ELK3: variants seen among roughly 807,000 people sequenced by gnomAD.
ELK3 encodes ETS domain-containing protein Elk-3.
Under a neutral mutation model 28.9 loss-of-function variants are expected in ELK3, and 10 were observed. That is an observed-to-expected ratio of 0.35 (90% CI 0.21 to 0.59). The LOEUF is 0.59. Ranked by LOEUF, ELK3 falls within the 20% of genes least tolerant of loss-of-function variation. The pLI is 0.82. For missense variants in ELK3, 463 were observed against 517.3 expected (o/e 0.90, Z 1.02); for synonymous variants, 272 against 243.5 (o/e 1.12, Z -1.09).
intron 2 of ELK3, among the ~76,000 whole-genome samples, chr12:96,229,570 C>T (rs1289123336): frequency 1.4e-5 from 2 of 141,490 alleles, no homozygotes; most frequent in African/African-American, 2.6e-5. Context: ...CTTGCTCTGT[C>T]GCCCAGGCTG....
intron 1 of ELK3, among the ~76,000 whole-genome samples, chr12:96,195,468 G>A (rs942307605): frequency 6.6e-6 from 1 of 152,194 alleles, no homozygotes; most frequent in Non-Finnish European, 1.5e-5. Flanking sequence ...CTCAACGTTG[G>A]CCTGTGACGC....
chr12:96,259,818 C>A lies in ELK3; in HGVS notation c.1090C>A (p.Pro364Thr), dbSNP rs1264873892. The change falls in exon 4 of 5, where the codon CCT becomes ACT. Residue 364 changes from proline to threonine, a missense_variant. Around this residue, in one of 2 missense-constraint regions of ELK3, gnomAD observed 408 missense variants for 414.8 expected, o/e 0.98. Transcript: ENST00000228741. ...SSLSPVAPLS[P>T]ARLQGPSTLF... ...CCTTAGTCCAGTTGCTCCGCTGAGTCCTGCCAGGCTGCAAGGGCCAAGCAC... is the reference window on the plus strand; with the variant it reads ...CCTTAGTCCAGTTGCTCCGCTGAGTACTGCCAGGCTGCAAGGGCCAAGCAC... 3.7e-6 allele frequency: 6 copies of A among 1,607,694 alleles called. No individual in the cohort carries two copies. Among genetic ancestry groups the A allele is most frequent in the Non-Finnish European group, 5.1e-6 (6 of 1,177,778 alleles).
At chr12:96,202,924 G>A (rs1194990402) in intron 1 of ELK3, among the ~76,000 whole-genome samples, 3 of 151,972 alleles carry the variant, frequency 2.0e-5, no homozygotes, top group South Asian at 2.1e-4. Context: ...GTCTCGCTCC[G>A]TCGCCCAGTC....
intron 1 of ELK3, among the ~76,000 whole-genome samples, chr12:96,221,182 T>A (rs971437526): frequency 1.4e-4 from 21 of 152,306 alleles, no homozygotes; most frequent in Non-Finnish European, 2.4e-4. Context: ...TGAGAACATT[T>A]AACAAGTCTG....
Position 96,247,032 on chromosome 12 carries a change from C to T in ELK3, c.300C>T (p.Ile100=). The T allele has an allele frequency of 1.2e-6, 2 of 1,614,178 alleles. No individual in the cohort carries two copies. Among genetic ancestry groups the T allele is most frequent in the Non-Finnish European group, 1.7e-6 (2 of 1,180,032 alleles). Residue 100 remains isoleucine, a synonymous_variant, in exon 3 of 5, where the codon ATC becomes ATT. Transcript: ENST00000228741. This position sits in a 1 kb window ranked among gnomAD's most constrained non-coding sequence, Gnocchi z 5.5. ...ILKMDPHAVE[I]SRESLLLQDS... is the part of the protein sequence containing the mutation. ...AGATGGATCCTCACGCGGTGGAGAT[C>T]AGCCGGGAGAGCCTTCTGCTGCAGG...
intron 3 of ELK3, among the ~76,000 whole-genome samples, chr12:96,248,179 G>A (rs1025295505): frequency 3.3e-5 from 5 of 152,164 alleles, no homozygotes; most frequent in South Asian, 2.1e-4. Context: ...AACTGATGCC[G>A]CCATCGCATG....
At chr12:96,256,530 C>T (rs981086947) in intron 3 of ELK3, among the ~76,000 whole-genome samples, 3 of 152,042 alleles carry the variant, frequency 2.0e-5, no homozygotes, top group Non-Finnish European at 2.9e-5. Context: ...GCCCAACAAG[C>T]GATAAGCCAG....
At chr12:96,260,236 G>T (rs1448679700) in intron 4 of ELK3, among the ~76,000 whole-genome samples, 1 of 152,064 alleles carries the variant, frequency 6.6e-6, no homozygotes, top group Non-Finnish European at 1.5e-5. Flanking sequence ...TTTGAGCCCA[G>T]GAGTTTGAGA....
At chr12:96,208,580 T>C (rs924202176) in intron 1 of ELK3, among the ~76,000 whole-genome samples, 2 of 152,198 alleles carry the variant, frequency 1.3e-5, no homozygotes, top group African/African-American at 4.8e-5. Context: ...TATAGCCTGA[T>C]GTGTCATGCA....
rs975290910 is a variant in ELK3, at chr12:96,194,453, A to C, written c.-255A>C. ...GGGGCGGAAAAGCCTGTTTACACAG[A>C]CTGCACACCGCCTGGGGAATAATGC... On this transcript the variant is annotated 5_prime_UTR_variant, in exon 1 of 5. Coordinates refer to ENST00000228741, the MANE Select transcript of ELK3 (RefSeq NM_005230.4). 6.7e-6 allele frequency: 1 copy of C among 149,946 alleles called. No individual in the cohort carries two copies. The highest frequency in any genetic ancestry group is 1.5e-5 in the Non-Finnish European group (1 of 67,444). 9.3% of individuals were successfully genotyped at this position (149,946 alleles called of 1,614,324 possible). A position where few individuals can be genotyped will look rare whatever the true frequency, so the allele number is the denominator to read the frequency against.
intron 2 of ELK3, among the ~76,000 whole-genome samples, chr12:96,242,494 C>T (rs1309680953): frequency 6.6e-6 from 1 of 152,214 alleles, no homozygotes; most frequent in Non-Finnish European, 1.5e-5. Context: ...ACTGAGTCTT[C>T]TCAGCAAACT....
intron 1 of ELK3, among the ~76,000 whole-genome samples, chr12:96,201,418 T>C (rs578242459): frequency 1.2e-4 from 18 of 147,980 alleles, no homozygotes; most frequent in African/African-American, 4.1e-4. Context: ...CCCAGGAGTC[T>C]GAGATCAACC....
At chr12:96,225,301 G>C (rs1951691175) in intron 2 of ELK3, among the ~76,000 whole-genome samples, 1 of 152,250 alleles carries the variant, frequency 6.6e-6, no homozygotes, top group Non-Finnish European at 1.5e-5. Flanking sequence ...TCTGGGACTT[G>C]ACTCATCTCT....
intron 3 of ELK3, among the ~76,000 whole-genome samples, chr12:96,251,478 A>T (rs1951905960): frequency 6.6e-6 from 1 of 152,206 alleles, no homozygotes; most frequent in African/African-American, 2.4e-5. Flanking sequence ...TCTCATTTTA[A>T]ATCCAAAGCT....
intron 2 of ELK3, 196 bp downstream of exon 2, chr12:96,223,969 G>A: frequency 1.7e-6 from 1 of 600,680 alleles, no homozygotes; most frequent in East Asian, 2.9e-5. Context: ...GGATATTACT[G>A]AGGGTCACAT....
intron 2 of ELK3, among the ~76,000 whole-genome samples, chr12:96,237,442 C>T (rs374753511): frequency 2.0e-5 from 3 of 152,284 alleles, no homozygotes; most frequent in East Asian, 1.9e-4. Context: ...AGCAGAGTCT[C>T]TTATGGCCAG....
At chr12:96,198,955 C>A (rs1396802767) in intron 1 of ELK3, among the ~76,000 whole-genome samples, 1 of 152,140 alleles carries the variant, frequency 6.6e-6, no homozygotes, top group African/African-American at 2.4e-5. Context: ...GTTGGCTCAA[C>A]CATGGATTGA....
At chr12:96,197,648 A>T (rs12424667) in intron 1 of ELK3, among the ~76,000 whole-genome samples, 2,031 of 152,300 alleles carry the variant, frequency 0.013, 26 homozygotes, top group Non-Finnish European at 0.021. Flanking sequence ...AAACTCTGCA[A>T]GTATAGCATC....
chr12:96,217,389 C>T (rs1051363003), intron 1 of ELK3, among the ~76,000 whole-genome samples: 11 of 152,234 alleles, frequency 7.2e-5, no homozygotes, highest in Non-Finnish European at 1.0e-4. Context: ...AAATAATTCT[C>T]GTCTATAGAC....
Sources: allele counts gnomAD v4.1 joint callset (sites outside exome capture counted in the v4.1 genomes callset), GRCh38; gene constraint gnomAD v4.1.1; regional missense constraint gnomAD v4.1.1; non-coding constraint Gnocchi (gnomAD v3.1); transcripts MANE v1.5; gene names NCBI Gene and HGNC (gene_info 2026-07-23, HGNC 2026-07-21).